SENP7: variants seen among roughly 807,000 people sequenced by gnomAD.
SENP7 encodes the protein SUMO specific peptidase 7.
A neutral mutation model predicts 141.2 loss-of-function variants in SENP7; 64 were observed. That is an observed-to-expected ratio of 0.45 (90% CI 0.37 to 0.56). The LOEUF (loss-of-function observed/expected upper bound fraction) is 0.56, where lower values mean the gene tolerates loss of function less well. Among genes scored for constraint, SENP7 ranks in the 20% least tolerant of loss-of-function variants. The pLI, the probability that SENP7 is intolerant of heterozygous loss-of-function variation, is 0.00. For missense variants in SENP7, 1,025 were observed against 1,212.2 expected, an observed-to-expected ratio of 0.85 and a Z score of 2.29; for synonymous variants, 382 against 426.4, an observed-to-expected ratio of 0.90 and a Z score of 1.28.
At chr3:101,398,010 T>C (rs2061019744) in intron 6 of SENP7, among the ~76,000 whole-genome samples, 1 of 152,240 alleles carries the variant, frequency 6.6e-6, no homozygotes, top group Admixed American at 6.5e-5. Context: ...TTTCTCTTAT[T>C]GGCACAACAA....
At chr3:101,444,636 G>T (rs563629944) in intron 4 of SENP7, among the ~76,000 whole-genome samples, 1 of 149,956 alleles carries the variant, frequency 6.7e-6, no homozygotes, top group South Asian at 2.1e-4. Flanking sequence ...GTAAACTATC[G>T]CAAGAACAAA....
chr3:101,408,220 G>C (rs766944813), intron 5 of SENP7, among the ~76,000 whole-genome samples: 4 of 152,040 alleles, frequency 2.6e-5, no homozygotes, highest in Admixed American at 6.6e-5. Flanking sequence ...AACCCTCCTA[G>C]CTTAAATCGG....
intron 4 of SENP7, among the ~76,000 whole-genome samples, chr3:101,418,125 G>A (rs113290333): frequency 1.6e-3 from 245 of 152,258 alleles, no homozygotes; most frequent in African/African-American, 4.7e-3. Context: ...CATCACAGAT[G>A]TAACCACTGT....
intron 1 of SENP7, among the ~76,000 whole-genome samples, chr3:101,506,432 T>A (rs754387069): frequency 5.3e-5 from 8 of 152,250 alleles, no homozygotes; most frequent in Non-Finnish European, 7.3e-5. Context: ...AATCTCCATC[T>A]TATAGATTAA....
Position 101,343,862 on chromosome 3 carries a change from T to C in SENP7, c.1930A>G (p.Ile644Val), listed in dbSNP as rs753372535. 3 of 1,613,664 alleles carry C rather than the reference T, an allele frequency of 1.9e-6. No individual in the cohort carries two copies. The highest frequency in any genetic ancestry group is 2.5e-6 in the Non-Finnish European group (3 of 1,179,678). ...KLKDIMTEISIISGELELSYP... is the reference protein window; with the variant it reads ...KLKDIMTEISVISGELELSYP... ...GAAAGCTCTAATTCTCCACTGATTA[T>C]ACTTATTTCCGTCATAATATCTTTC... The change falls in exon 14 of 24, where the codon ATA becomes GTA. Residue 644 changes from isoleucine to valine, a missense_variant. Coordinates refer to ENST00000394095, the MANE Select transcript of SENP7 (RefSeq NM_020654.5).
At chr3:101,502,616 A>T (rs1361736343) in intron 1 of SENP7, among the ~76,000 whole-genome samples, 1 of 151,520 alleles carries the variant, frequency 6.6e-6, no homozygotes, top group Non-Finnish European at 1.5e-5. Context: ...TGAAAAAGAA[A>T]AAAGAAAAAA....
chr3:101,394,622 C>A (rs2060913028), intron 6 of SENP7, among the ~76,000 whole-genome samples: 1 of 151,982 alleles, frequency 6.6e-6, no homozygotes, highest in Non-Finnish European at 1.5e-5. Flanking sequence ...ACGCCATTCT[C>A]CTGCCTCAGC....
At chr3:101,463,396 T>TATATATATATACAC (rs1320861204) in intron 3 of SENP7, among the ~76,000 whole-genome samples, 2 of 82,854 alleles carry the variant, frequency 2.4e-5, no homozygotes, top group African/African-American at 5.9e-5. Flanking sequence ...TATATATATA[T>TATATATATATACAC]ACATATATAT....
At chr3:101,446,330 G>A (rs2062893829) in intron 4 of SENP7, among the ~76,000 whole-genome samples, 1 of 152,154 alleles carries the variant, frequency 6.6e-6, no homozygotes, top group African/African-American at 2.4e-5. Flanking sequence ...AGCAATGTGA[G>A]AATGGACTAA....
chr3:101,341,803 G>A, intron 14 of SENP7, 24 bp from the exon 15 acceptor site: 2 of 1,561,988 alleles, frequency 1.3e-6, no homozygotes, highest in Non-Finnish European at 1.8e-6. Flanking sequence ...GCAAGAAAAA[G>A]GGTCTCAAAC....
At chr3:101,432,541 C>T (rs757357007) in intron 4 of SENP7, among the ~76,000 whole-genome samples, 13 of 152,156 alleles carry the variant, frequency 8.5e-5, no homozygotes, top group Non-Finnish European at 1.8e-4. Context: ...TGCTGGTGGC[C>T]ACAGGGGTGC....
chr3:101,462,085 C>A (rs2063564751), intron 3 of SENP7, among the ~76,000 whole-genome samples: 1 of 152,150 alleles, frequency 6.6e-6, no homozygotes, highest in African/African-American at 2.4e-5. Context: ...TGAAAAAGTT[C>A]TGAAACTAGA....
chr3:101,415,943 CA>C (rs2061606700), intron 5 of SENP7, among the ~76,000 whole-genome samples: 2 of 146,778 alleles, frequency 1.4e-5, no homozygotes. Context: ...TACCGCCCCC[CA>C]AAAAAATATA....
chr3:101,330,305 T>C, intron 20 of SENP7, 29 bp downstream of exon 20: 1 of 1,542,046 alleles, frequency 6.5e-7, no homozygotes, highest in Non-Finnish European at 9.0e-7. Flanking sequence ...GAGTTTTCCT[T>C]CCTTCCCATC....
chr3:101,362,575 A>G (rs1234872120), intron 10 of SENP7, among the ~76,000 whole-genome samples: 2 of 152,108 alleles, frequency 1.3e-5, no homozygotes, highest in African/African-American at 2.4e-5. Flanking sequence ...CACCCAGATA[A>G]TACCCAACAG....
intron 3 of SENP7, among the ~76,000 whole-genome samples, chr3:101,459,792 T>C (rs2063491179): frequency 6.6e-6 from 1 of 152,058 alleles, no homozygotes; most frequent in South Asian, 2.1e-4. Context: ...GAGGGAAGAA[T>C]CCACCAAAAA....
chr3:101,410,845 A>AAAAATAAAATAAAAT (rs139753697), intron 5 of SENP7, among the ~76,000 whole-genome samples: 22,418 of 126,056 alleles, frequency 0.18, 2,413 homozygotes, highest in African/African-American at 0.23. Flanking sequence ...ATTCTGTCTC[A>AAAAATAAAATAAAAT]AAAATAAAAT....
At chr3:101,505,900 A>C (rs184059413) in intron 1 of SENP7, among the ~76,000 whole-genome samples, 18 of 152,340 alleles carry the variant, frequency 1.2e-4, no homozygotes, top group African/African-American at 4.3e-4. Context: ...TCCCTTTAAA[A>C]GACTGTAGTA....
At chr3:101,397,326 T>C (rs2060998816) in intron 6 of SENP7, among the ~76,000 whole-genome samples, 1 of 151,944 alleles carries the variant, frequency 6.6e-6, no homozygotes, top group Non-Finnish European at 1.5e-5. Context: ...AGAAACAAGA[T>C]CTCACTATGC....
Sources: allele counts gnomAD v4.1 joint callset (sites outside exome capture counted in the v4.1 genomes callset), GRCh38; gene constraint gnomAD v4.1.1; transcripts MANE v1.5; gene names NCBI Gene and HGNC (gene_info 2026-07-23, HGNC 2026-07-21).